EIF4G1: variants seen among roughly 807,000 people sequenced by gnomAD.
EIF4G1 encodes EIF4-gamma.
EIF4G1 carries 4 observed loss-of-function variants against 187.8 expected under a neutral mutation model. The observed-to-expected ratio is 0.02, with a 90% confidence interval of 0.01 to 0.05. The LOEUF is 0.05. EIF4G1 is among the 10% of genes least tolerant of loss of function. The pLI is 1.00. For missense variants in EIF4G1, 1,647 were observed against 2,081.1 expected (o/e 0.79, Z 4.06); for synonymous variants, 844 against 781.4 (o/e 1.08, Z -1.34).
chr3:184,327,048 C>T, intron 23 of EIF4G1, 65 bp downstream of exon 23: 1 of 1,606,184 alleles, frequency 6.2e-7, no homozygotes, highest in Admixed American at 1.7e-5. Flanking sequence ...CTGGTTGTTG[C>T]CATAGGTTGG....
chr3:184,323,234 G>T lies in EIF4G1; in HGVS notation c.2081G>T (p.Arg694Leu). 1.9e-6 allele frequency: 3 copies of T among 1,614,160 alleles called. No individual in the cohort carries two copies. The highest frequency in any genetic ancestry group is 2.5e-6 in the Non-Finnish European group (3 of 1,179,998). The stretch of plus-strand genomic sequence containing the variant: ...GGTGGGCCAGGTGGGGAGCTGCCCC[G>T]TGGGCCGGTGAGTGGGGCTGGGTAA... The part of the protein sequence containing the change: ...PRGGPGGELP[R>L]GPAGLGPRRS... Residue 694 changes from arginine (R) to leucine (L), a missense_variant, in exon 14 of 33, where the codon CGT (arginine) becomes CTT (leucine). Around this residue, in one of 11 missense-constraint regions of EIF4G1, gnomAD observed 140 missense variants for 222.2 expected, o/e 0.63. Coordinates refer to ENST00000346169, the MANE Select transcript of EIF4G1 (RefSeq NM_198241.3). This position sits in a 1 kb window ranked among gnomAD's most constrained non-coding sequence, Gnocchi z 6.9.
intron 28 of EIF4G1, among the ~76,000 whole-genome samples, chr3:184,329,640 A>G (rs1452325641): frequency 1.3e-5 from 2 of 152,192 alleles, no homozygotes; most frequent in African/African-American, 2.4e-5. Flanking sequence ...AAAAAGAAAA[A>G]AGAAATGACA....
intron 21 of EIF4G1, 53 bp downstream of exon 21, chr3:184,326,004 C>T (rs1724818680): frequency 1.3e-6 from 2 of 1,570,674 alleles, no homozygotes; most frequent in Non-Finnish European, 1.8e-6. Context: ...ATCTTAGTCC[C>T]TTCACTTTTC....
intron 5 of EIF4G1, 69 bp from the exon 6 acceptor site, chr3:184,317,648 T>C: frequency 6.5e-7 from 1 of 1,540,756 alleles, no homozygotes; most frequent in Non-Finnish European, 9.0e-7. Flanking sequence ...ACCTATGTTC[T>C]TTTTGGAGTC....
At chr3:184,320,329 G>A in intron 7 of EIF4G1, 31 of 1,317,920 alleles carry the variant, frequency 2.4e-5, no homozygotes, top group Non-Finnish European at 2.9e-5. Flanking sequence ...TGGGGGTCCT[G>A]GGCCCCAGGG....
chr3:184,321,493 C>T lies in EIF4G1; in HGVS notation c.909C>T (p.Ile303=), dbSNP rs149070881. Residue 303 remains isoleucine, a synonymous_variant, in exon 10 of 33, where the codon ATC becomes ATT. Coordinates refer to ENST00000346169, the MANE Select transcript of EIF4G1 (RefSeq NM_198241.3). The part of the protein sequence containing the change: ...IQMSVEESTP[I]SRETGEPYRL... ...TGTCTGTAGAAGAATCAACCCCCAT[C>T]TCCCGTGAAACTGGGGAGCCATATC... The T allele has an allele frequency of 3.1e-6, 5 of 1,614,110 alleles. No homozygotes were observed. The African/African-American group carries it at 6.7e-5, about 22-fold the overall frequency.
At chr3:184,317,202 G>A (rs2108462929) in intron 4 of EIF4G1, 119 bp from the exon 5 acceptor site, 1 of 1,207,062 alleles carries the variant, frequency 8.3e-7, no homozygotes, top group South Asian at 1.2e-5. Context: ...GGAAGGATTG[G>A]TCGCCATGTT....
At position 184,314,666 on chromosome 3, in the gene EIF4G1, A is replaced by T. The variant is rs1268768345; in HGVS notation, c.-100A>T. The T allele has an allele frequency of 1.3e-5, 2 of 151,768 alleles. No homozygotes were observed. The highest frequency in any genetic ancestry group is 2.9e-5 in the Non-Finnish European group (2 of 67,904). 9.4% of individuals were successfully genotyped at this position (151,768 alleles called of 1,614,324 possible). On this transcript the variant is annotated 5_prime_UTR_variant, in exon 1 of 33. Coordinates refer to ENST00000346169, the MANE Select transcript of EIF4G1 (RefSeq NM_198241.3). ...GGGGCTCGGCCGCGCGGACTGAAGG[A>T]GACTGAAGGTAAAGCCGCCATGTCC... is the stretch of plus-strand genomic sequence containing the variant.
Position 184,334,671 on chromosome 3 carries a change from G to A in EIF4G1, c.4619-56G>A, listed in dbSNP as rs557940224. On this transcript the variant is annotated intron_variant, in intron 32 of 32. Transcript: ENST00000346169. The surrounding 1 kb of genome is among the most constrained non-coding windows in gnomAD (Gnocchi z 5.8). ...GTGGAACTTGGGAGGGTTCCCTGGGGTGGGCTGGGGTGGCGGTGGCCAGTC... is the reference window on the plus strand; with the variant it reads ...GTGGAACTTGGGAGGGTTCCCTGGGATGGGCTGGGGTGGCGGTGGCCAGTC... The A allele has an allele frequency of 2.7e-5, 43 of 1,610,362 alleles. No individual in the cohort carries two copies. The African/African-American group carries it at 5.5e-4, about 20-fold the overall frequency.
chr3:184,330,130 A>G (rs1725756819), intron 28 of EIF4G1, among the ~76,000 whole-genome samples: 1 of 152,216 alleles, frequency 6.6e-6, no homozygotes, highest in Non-Finnish European at 1.5e-5. Flanking sequence ...TAATCCCAGC[A>G]CTTTGGGAGG....
In EIF4G1 at chr3:184,331,916, A is replaced by G. The variant is rs769671216; in HGVS notation, c.4478-30A>G. 5.6e-6 allele frequency: 9 copies of G among 1,613,786 alleles called. 1 individual carries two copies. The highest frequency in any genetic ancestry group is 5.5e-5 in the South Asian group (5 of 91,060). On this transcript the variant is annotated intron_variant, in intron 31 of 32. Coordinates refer to ENST00000346169, the MANE Select transcript of EIF4G1 (RefSeq NM_198241.3). ...CAGTTCTGAACCGGGGTAAGGGTAT[A>G]TTGCTCCACTCATCCCTGTCTTCTT...
intron 4 of EIF4G1, among the ~76,000 whole-genome samples, chr3:184,316,447 T>C (rs1457007730): frequency 6.6e-6 from 1 of 152,196 alleles, no homozygotes; most frequent in African/African-American, 2.4e-5. Context: ...CTCTGAGAAT[T>C]GGGGGCAGTG....
In EIF4G1 at chr3:184,324,044, G is replaced by A. The variant is rs988633860; in HGVS notation, c.2472+67G>A. The A allele has an allele frequency of 2.5e-6, 4 of 1,609,362 alleles. No homozygotes were observed. The African/African-American group carries it at 4.0e-5, about 16-fold the overall frequency. ...CATTCCTATTCCCAAGACTCCTTGA[G>A]TCCAGCTTCTTGGTTCCCCTCCAAC... On this transcript the variant is annotated intron_variant, in intron 16 of 32. Transcript: ENST00000346169.
chr3:184,319,322 T>C (rs1413311456), intron 6 of EIF4G1: 1 of 317,706 alleles, frequency 3.1e-6, no homozygotes, highest in African/African-American at 2.1e-5. Context: ...TACATGTTGA[T>C]AGCGGGTGGG....
intron 7 of EIF4G1, chr3:184,320,261 G>A (rs1299973245): frequency 1.6e-6 from 2 of 1,230,356 alleles, no homozygotes; most frequent in Non-Finnish European, 2.1e-6. Flanking sequence ...TACTGGATCT[G>A]GGCCCTGCCC....
chr3:184,319,680 T>C lies in EIF4G1; in HGVS notation c.425-9T>C. On this transcript the variant is annotated splice_polypyrimidine_tract_variant and intron_variant, in intron 6 of 32. Transcript: ENST00000346169. ...TACCACCATTCTTCTCCGTCCCCCCTCCCCCAAGCTGGCGCCTACTATCCA... is the reference window on the plus strand; with the variant it reads ...TACCACCATTCTTCTCCGTCCCCCCCCCCCCAAGCTGGCGCCTACTATCCA... The C allele has an allele frequency of 6.5e-7, 1 of 1,547,360 alleles. No homozygotes were observed. Among genetic ancestry groups the C allele is most frequent in the Non-Finnish European group, 8.8e-7 (1 of 1,134,470 alleles).
rs936776258 is a variant in EIF4G1 at position 184,334,377 on chromosome 3, T to G, written c.4619-350T>G. On this transcript the variant is annotated intron_variant, in intron 32 of 32. Coordinates refer to ENST00000346169, the MANE Select transcript of EIF4G1 (RefSeq NM_198241.3). This position sits in a 1 kb window ranked among gnomAD's most constrained non-coding sequence, Gnocchi z 5.8. The stretch of plus-strand genomic sequence containing the variant: ...TTACATGTAGGATATATATAGGACT[T>G]TATGTATGATATATATAGGACTTTT... Among the ~76,000 whole-genome samples, 8 of 152,124 alleles carry G rather than the reference T, an allele frequency of 5.3e-5. No homozygotes were observed. The highest frequency in any genetic ancestry group is 1.0e-4 in the Non-Finnish European group (7 of 68,028).
intron 29 of EIF4G1, 32 bp from the exon 30 acceptor site, chr3:184,331,440 T>C: frequency 6.2e-7 from 1 of 1,614,184 alleles, no homozygotes; most frequent in East Asian, 2.2e-5. Flanking sequence ...TTGGCAACCT[T>C]ACCTCTTAAC....
rs1415480970 is a variant in EIF4G1, at chr3:184,335,095, G to A, written c.*187G>A. On this transcript the variant is annotated 3_prime_UTR_variant, in exon 33 of 33. Coordinates refer to ENST00000346169, the MANE Select transcript of EIF4G1 (RefSeq NM_198241.3). ...TGCCTGGGCCCCCCTCCAGGATGCC[G>A]CCAGGTGTCCCTCTCCTCCCCCTGG... The A allele has an allele frequency of 1.0e-5, 7 of 695,898 alleles. No individual in the cohort carries two copies. The highest frequency in any genetic ancestry group is 4.0e-4 in the Middle Eastern group (1 of 2,478). 43.1% of individuals were successfully genotyped at this position (695,898 alleles called of 1,614,324 possible).
Sources: allele counts gnomAD v4.1 joint callset (sites outside exome capture counted in the v4.1 genomes callset), GRCh38; gene constraint gnomAD v4.1.1; regional missense constraint gnomAD v4.1.1; non-coding constraint Gnocchi (gnomAD v3.1); transcripts MANE v1.5; gene names NCBI Gene and HGNC (gene_info 2026-07-23, HGNC 2026-07-21).